The following TUNAR variants were observed in gnomAD, a reference collection of about 807,000 sequenced individuals.
TUNAR encodes the protein transmembrane neural differentiation associated intracellular calcium regulator.
rs201650936 is a variant in TUNAR, at chr14:95,894,263, CCT to C, written c.12+17089_12+17090del. 3.3e-3 allele frequency among the ~76,000 whole-genome samples: 500 copies of C among 152,340 alleles called. 3 individuals are homozygous for C. Among genetic ancestry groups the C allele is most frequent in the African/African-American group, 0.012 (485 of 41,560 alleles). On this transcript the variant is annotated intron_variant, in intron 2 of 2. Transcript: ENST00000678517. ...AAAATGCCATTTTGTCAGAAATTCC[CCT>C]CTTTTGGGATCAGGCAGTGCATTTG...
chr14:95,908,755 G>A (rs755336164), intron 2 of TUNAR, among the ~76,000 whole-genome samples: 1 of 152,176 alleles, frequency 6.6e-6, no homozygotes, highest in South Asian at 2.1e-4. Flanking sequence ...CCCAGTTTGA[G>A]CCCATCATGA....
At chr14:95,896,776 T>C (rs1403345326) in intron 2 of TUNAR, among the ~76,000 whole-genome samples, 2 of 152,240 alleles carry the variant, frequency 1.3e-5, no homozygotes, top group African/African-American at 2.4e-5. Flanking sequence ...GTTGATATCA[T>C]GCGGCAGCAG....
Position 95,913,221 on chromosome 14 carries a change from T to G in TUNAR, c.13-9560T>G, listed in dbSNP as rs150317278. The stretch of plus-strand genomic sequence containing the variant: ...TGCAGGTTTGTTAAATAGGTATACA[T>G]GTACCATGGTGGTTTGCTGCACCCA... On this transcript the variant is annotated intron_variant, in intron 2 of 2. Coordinates refer to ENST00000678517, the Ensembl canonical transcript of TUNAR. Among the ~76,000 whole-genome samples, 409 of 151,436 alleles carry G rather than the reference T, an allele frequency of 2.7e-3. 2 individuals carry two copies. The highest frequency in any genetic ancestry group is 9.3e-3 in the African/African-American group (383 of 41,116).
At chr14:95,903,662 T>C (rs771411552) in intron 2 of TUNAR, among the ~76,000 whole-genome samples, 3 of 152,260 alleles carry the variant, frequency 2.0e-5, no homozygotes, top group Non-Finnish European at 2.9e-5. Flanking sequence ...TACAAGCCAG[T>C]CTAAAACTTA....
intron 2 of TUNAR, among the ~76,000 whole-genome samples, chr14:95,890,555 A>G (rs187489687): frequency 1.3e-5 from 2 of 152,250 alleles, no homozygotes; most frequent in East Asian, 3.9e-4. Flanking sequence ...TCACTGAGAC[A>G]GGCTCCCCAG....
At chr14:95,885,131 C>T (rs1417427358) in intron 2 of TUNAR, among the ~76,000 whole-genome samples, 2 of 152,148 alleles carry the variant, frequency 1.3e-5, no homozygotes, top group East Asian at 3.9e-4. Flanking sequence ...GCCAGCCTGC[C>T]CAGCAGTGCA....
chr14:95,883,820 A>G (rs936382603), intron 2 of TUNAR, among the ~76,000 whole-genome samples: 1 of 152,172 alleles, frequency 6.6e-6, no homozygotes, highest in Non-Finnish European at 1.5e-5. Context: ...ACTTCCATGG[A>G]AACACCAGGT....
At chr14:95,888,772 A>G (rs1889118480) in intron 2 of TUNAR, among the ~76,000 whole-genome samples, 1 of 152,090 alleles carries the variant, frequency 6.6e-6, no homozygotes. Flanking sequence ...TGTCCTTAGA[A>G]GCAAGTCTCT....
At chr14:95,883,850 T>C (rs1275969641) in intron 2 of TUNAR, among the ~76,000 whole-genome samples, 1 of 152,172 alleles carries the variant, frequency 6.6e-6, no homozygotes, top group Non-Finnish European at 1.5e-5. Context: ...AAAATGCATA[T>C]GGGTGGACCT....
At chr14:95,881,085 A>G (rs1056748870) in intron 2 of TUNAR, among the ~76,000 whole-genome samples, 2 of 152,180 alleles carry the variant, frequency 1.3e-5, no homozygotes, top group South Asian at 4.1e-4. Flanking sequence ...CTGGCAACCA[A>G]ATTGTGTCCT....
At chr14:95,883,137 AAGG>A (rs1485526104) in intron 2 of TUNAR, among the ~76,000 whole-genome samples, 7 of 152,354 alleles carry the variant, frequency 4.6e-5, no homozygotes, top group African/African-American at 7.2e-5. Flanking sequence ...TTCATCTGAA[AAGG>A]AGGAGTGGAA....
Position 95,897,133 on chromosome 14 carries a change from G to A in TUNAR, c.12+19956G>A, listed in dbSNP as rs369933684. Among the ~76,000 whole-genome samples the A allele has an allele frequency of 3.3e-5, 5 of 152,272 alleles. No individual in the cohort carries two copies. In the South Asian group the frequency reaches 6.2e-4, roughly 19 times the overall value. On this transcript the variant is annotated intron_variant, in intron 2 of 2. Coordinates refer to ENST00000678517, the Ensembl canonical transcript of TUNAR. ...ATCCTGAATGCTTGCTTTGTGCCAGGCACTGTTCTGGGGATGTTTTTCCTA... is the reference window on the plus strand; with the variant it reads ...ATCCTGAATGCTTGCTTTGTGCCAGACACTGTTCTGGGGATGTTTTTCCTA...
At chr14:95,910,067 T>C (rs1446312770) in intron 2 of TUNAR, among the ~76,000 whole-genome samples, 1 of 152,168 alleles carries the variant, frequency 6.6e-6, no homozygotes, top group Non-Finnish European at 1.5e-5. Context: ...CGCAACTCGG[T>C]GTATGATCAT....
intron 2 of TUNAR, among the ~76,000 whole-genome samples, chr14:95,908,453 T>C (rs963234824): frequency 6.6e-6 from 1 of 152,190 alleles, no homozygotes; most frequent in Non-Finnish European, 1.5e-5. Flanking sequence ...CTCCCATCTG[T>C]CCTCTTAGCA....
chr14:95,891,677 T>A (rs1303668587), intron 2 of TUNAR, among the ~76,000 whole-genome samples: 1 of 152,244 alleles, frequency 6.6e-6, no homozygotes, highest in East Asian at 1.9e-4. Context: ...GGCTCTGTTG[T>A]CTGTTACGTG....
At chr14:95,918,011 T>C (rs1012074526) in intron 2 of TUNAR, among the ~76,000 whole-genome samples, 1 of 152,240 alleles carries the variant, frequency 6.6e-6, no homozygotes, top group Non-Finnish European at 1.5e-5. Flanking sequence ...AGTAAATGAT[T>C]GAGTGGATAA....
intron 2 of TUNAR, among the ~76,000 whole-genome samples, chr14:95,902,848 A>C (rs140283080): frequency 7.9e-5 from 12 of 152,292 alleles, no homozygotes; most frequent in African/African-American, 2.6e-4. Flanking sequence ...TTCTGAGCCT[A>C]TCAGGGACTC....
chr14:95,883,419 C>G (rs2139652103), intron 2 of TUNAR, among the ~76,000 whole-genome samples: 1 of 152,280 alleles, frequency 6.6e-6, no homozygotes, highest in East Asian at 1.9e-4. Flanking sequence ...CACCATCATC[C>G]TTTCCTCAGA....
chr14:95,915,863 A>G (rs1285204656), intron 2 of TUNAR, among the ~76,000 whole-genome samples: 1 of 152,240 alleles, frequency 6.6e-6, no homozygotes, highest in South Asian at 2.1e-4. Context: ...TGAGTTGCCC[A>G]TCGCCTTAGC....
Sources: allele counts gnomAD v4.1 joint callset (sites outside exome capture counted in the v4.1 genomes callset), GRCh38; gene constraint gnomAD v4.1.1; transcripts MANE v1.5; gene names NCBI Gene and HGNC (gene_info 2026-07-23, HGNC 2026-07-21).